TTLL5: variants seen among roughly 807,000 people sequenced by gnomAD.
TTLL5 encodes tubulin tyrosine ligase like 5.
TTLL5 carries 132 observed loss-of-function variants against 168.4 expected under a neutral mutation model. The ratio of observed to expected loss-of-function variants is 0.78; its 90% CI spans 0.68 to 0.91. The LOEUF (loss-of-function observed/expected upper bound fraction) is 0.91. TTLL5 is among the 40% of genes least tolerant of loss of function. The probability of loss-of-function intolerance (pLI) is 0.00; values close to 1 mark genes in which losing one functional copy is unlikely to be tolerated. For synonymous variants in TTLL5, 546 were observed against 558.6 expected, an observed-to-expected ratio of 0.98 and a Z score of 0.32; for missense variants, 1,545 against 1,581.5, an observed-to-expected ratio of 0.98 and a Z score of 0.39.
intron 6 of TTLL5, among the ~76,000 whole-genome samples, chr14:75,695,721 GA>G (rs1483777814): frequency 1.3e-5 from 2 of 152,084 alleles, no homozygotes; most frequent in African/African-American, 4.8e-5. Flanking sequence ...CCGATAGCCA[GA>G]AGCATTAACT....
chr14:75,745,556 A>G lies in TTLL5; in HGVS notation c.1462A>G (p.Thr488Ala), dbSNP rs775807003. Residue 488 changes from threonine to alanine, a missense_variant, in exon 17 of 32, where the codon ACA becomes GCA. Physicochemically the swap from Thr to Ala is moderately conservative, Grantham distance 58. Coordinates refer to ENST00000298832, the MANE Select transcript of TTLL5 (RefSeq NM_015072.5). ...RRGGFIRIFP[T>A]SETWEIYGSY... ...AGGTGGATTTATTCGCATATTTCCT[A>G]CATCTGAGACATGGGAAATATATGG... The G allele has an allele frequency of 8.7e-6, 14 of 1,613,764 alleles. No individual in the cohort carries two copies. In the South Asian group the frequency reaches 9.9e-5, roughly 11 times the overall value.
Position 75,902,232 on chromosome 14 carries a change from G to A in TTLL5, c.3823+8G>A, listed in dbSNP as rs760875571. 2.4e-5 allele frequency: 38 copies of A among 1,613,836 alleles called. 1 individual carries two copies. Among genetic ancestry groups the A allele is most frequent in the South Asian group, 9.9e-5 (9 of 91,076 alleles). On this transcript the variant is annotated splice_region_variant and intron_variant, in intron 31 of 31. Coordinates refer to ENST00000298832, the MANE Select transcript of TTLL5 (RefSeq NM_015072.5). Reference sequence around the variant, plus strand: ...CCATCACCAGCTCTACAGGTTAGTGGGCACCAGCTCTTCTGCAACTGGATA... The same window carrying A: ...CCATCACCAGCTCTACAGGTTAGTGAGCACCAGCTCTTCTGCAACTGGATA...
chr14:75,760,901 T>C (rs1463182336), intron 18 of TTLL5, among the ~76,000 whole-genome samples: 1 of 152,118 alleles, frequency 6.6e-6, no homozygotes, highest in East Asian at 1.9e-4. Flanking sequence ...TTATATTTTC[T>C]CAAGATTAAA....
At chr14:75,674,041 G>A (rs181075741) in intron 3 of TTLL5, among the ~76,000 whole-genome samples, 8 of 152,190 alleles carry the variant, frequency 5.3e-5, no homozygotes, top group Admixed American at 3.3e-4. Flanking sequence ...GGCAATAGGC[G>A]GACCCTTCTT....
intron 31 of TTLL5, chr14:75,902,622 G>A (rs1234224241): frequency 2.2e-6 from 1 of 458,998 alleles, no homozygotes; most frequent in Non-Finnish European, 4.4e-6. Flanking sequence ...TCAGAAAGTT[G>A]AGGGCTTGTT....
At chr14:75,810,098 T>G (rs559138567) in intron 27 of TTLL5, among the ~76,000 whole-genome samples, 1 of 152,340 alleles carries the variant, frequency 6.6e-6, no homozygotes, top group South Asian at 2.1e-4. Context: ...TTTGTCATTG[T>G]TTTATCCTTA....
chr14:75,667,451 A>G (rs112577582), intron 2 of TTLL5, among the ~76,000 whole-genome samples: 8 of 152,250 alleles, frequency 5.3e-5, no homozygotes, highest in African/African-American at 1.7e-4. Context: ...ACCTGGCTTC[A>G]TGCCCACATT....
intron 31 of TTLL5, among the ~76,000 whole-genome samples, chr14:75,906,906 A>G (rs2033169943): frequency 1.3e-5 from 2 of 152,196 alleles, no homozygotes; most frequent in Admixed American, 6.5e-5. Flanking sequence ...GGCAGTAAGA[A>G]CTTTCTCTAC....
intron 5 of TTLL5, among the ~76,000 whole-genome samples, chr14:75,685,510 A>G (rs1252661855): frequency 6.6e-6 from 1 of 152,196 alleles, no homozygotes; most frequent in African/African-American, 2.4e-5. Flanking sequence ...AAGAGGATAT[A>G]TAGTTTCCCC....
chr14:75,888,413 G>T (rs1296991399), intron 30 of TTLL5, among the ~76,000 whole-genome samples: 5 of 152,126 alleles, frequency 3.3e-5, no homozygotes, highest in Non-Finnish European at 7.3e-5. Context: ...TATAACTGCT[G>T]GATATTTCCC....
chr14:75,775,400 G>C (rs998925774), intron 21 of TTLL5, 84 bp from the exon 22 acceptor site: 62 of 1,476,508 alleles, frequency 4.2e-5, no homozygotes, highest in Non-Finnish European at 5.6e-5. Flanking sequence ...TTCCATCTCT[G>C]TTATATAATG....
intron 18 of TTLL5, chr14:75,757,834 A>C: frequency 1.9e-6 from 3 of 1,592,140 alleles, no homozygotes; most frequent in Non-Finnish European, 2.5e-6. Context: ...TCTGTAGGGG[A>C]AACCCAAGAA....
intron 3 of TTLL5, among the ~76,000 whole-genome samples, chr14:75,674,455 C>T (rs748257499): frequency 6.3e-4 from 96 of 152,294 alleles, no homozygotes; most frequent in Non-Finnish European, 7.2e-4. Flanking sequence ...TTGATCTCAT[C>T]GTGTTAGATG....
chr14:75,665,714 C>T (rs906854624), intron 2 of TTLL5, among the ~76,000 whole-genome samples: 3 of 151,898 alleles, frequency 2.0e-5, no homozygotes, highest in African/African-American at 4.8e-5. Flanking sequence ...AAAAATTAGC[C>T]GGGTGTGGTT....
intron 12 of TTLL5, among the ~76,000 whole-genome samples, chr14:75,726,665 G>A (rs555802360): frequency 2.6e-5 from 4 of 152,280 alleles, no homozygotes; most frequent in African/African-American, 9.6e-5. Flanking sequence ...AACATACAGT[G>A]TCATGACAGG....
chr14:75,772,218 T>C (rs1316253251), intron 21 of TTLL5, among the ~76,000 whole-genome samples: 1 of 152,166 alleles, frequency 6.6e-6, no homozygotes, highest in East Asian at 1.9e-4. Flanking sequence ...CATTATTAAC[T>C]CTGAGGTAGG....
intron 31 of TTLL5, among the ~76,000 whole-genome samples, chr14:75,950,273 TAG>T: frequency 6.6e-6 from 1 of 152,296 alleles, no homozygotes; most frequent in African/African-American, 2.4e-5. Flanking sequence ...CAGGTCAGAT[TAG>T]AGACTTAAAT....
Position 75,738,207 on chromosome 14 carries a change from T to C in TTLL5, c.1281+2918T>C, listed in dbSNP as rs183943973. 2.0e-5 allele frequency among the ~76,000 whole-genome samples: 3 copies of C among 152,338 alleles called. No homozygotes were observed. In the East Asian group the frequency reaches 5.8e-4, roughly 29 times the overall value. ...TGTTAGCAGTATTTGAGATTAACCA[T>C]TGCTTTCTTCTGCACAGATTTAAAA... On this transcript the variant is annotated intron_variant, in intron 15 of 31. Coordinates refer to ENST00000298832, the MANE Select transcript of TTLL5 (RefSeq NM_015072.5).
At chr14:75,763,820 T>A (rs1008200418) in intron 18 of TTLL5, among the ~76,000 whole-genome samples, 5 of 152,180 alleles carry the variant, frequency 3.3e-5, no homozygotes, top group African/African-American at 9.7e-5. Context: ...GCCAGCCCCC[T>A]TTCCACATCC....
Sources: gnomAD v4.1 joint callset for allele counts (sites outside exome capture counted in the v4.1 genomes callset) on GRCh38, gnomAD v4.1.1 for gene constraint, MANE v1.5 for transcripts, NCBI Gene and HGNC (gene_info 2026-07-23, HGNC 2026-07-21) for gene names.